The following IQCE variants were observed in gnomAD, a reference collection of about 807,000 sequenced individuals.
IQCE encodes the protein IQ motif containing E.
A neutral mutation model predicts 96.0 loss-of-function variants in IQCE; 115 were observed. That is an observed-to-expected ratio of 1.20 (90% CI 1.03 to 1.40). The LOEUF (loss-of-function observed/expected upper bound fraction) is 1.40. Among genes scored for constraint, IQCE ranks in the 40% most tolerant of loss-of-function variants. IQCE has a pLI of 0.00. For synonymous variants in IQCE, 412 were observed against 371.2 expected, an observed-to-expected ratio of 1.11 and a Z score of -1.26; for missense variants, 1,041 against 909.1, an observed-to-expected ratio of 1.15 and a Z score of -1.87.
At chr7:2,595,775 G>A (rs1265193160) in intron 16 of IQCE, among the ~76,000 whole-genome samples, 12 of 145,344 alleles carry the variant, frequency 8.3e-5, no homozygotes, top group South Asian at 2.2e-4. Context: ...CACCATGGCC[G>A]GTGCTGCACT....
Position 2,567,164 on chromosome 7 carries a change from G to C in IQCE, c.84+1G>C, listed in dbSNP as rs771552509. 6.2e-7 allele frequency: 1 copy of C among 1,613,296 alleles called. No homozygotes were observed. The highest frequency in any genetic ancestry group is 8.5e-7 in the Non-Finnish European group (1 of 1,179,528). On this transcript the variant is annotated splice_donor_variant, in intron 2 of 21. Coordinates refer to ENST00000402050, the MANE Select transcript of IQCE (RefSeq NM_152558.5). LOFTEE classifies it high-confidence loss of function. The stretch of plus-strand genomic sequence containing the variant: ...CACCTTTGACTCTGATGTGGAGACG[G>C]TGAGTGCCGCTGGGTGTCAGCCGTG...
At chr7:2,608,851 G>T (rs573895174) in intron 21 of IQCE, among the ~76,000 whole-genome samples, 60 of 149,176 alleles carry the variant, frequency 4.0e-4, no homozygotes, top group Non-Finnish European at 8.7e-4. Flanking sequence ...TGAGCTGATT[G>T]GTTGTTTTTG....
rs765060011 is a variant in IQCE at position 2,593,126 on chromosome 7, G to A, written c.1349G>A (p.Arg450Lys). 27 of 1,609,444 alleles carry A rather than the reference G, an allele frequency of 1.7e-5. No homozygotes were observed. Among genetic ancestry groups the A allele is most frequent in the Non-Finnish European group, 2.2e-5 (26 of 1,176,688 alleles). Residue 450 changes from arginine (R) to lysine (K), a missense_variant and splice_region_variant, in exon 15 of 22, where the codon AGA becomes AAA. Arg to Lys is a conservative substitution (Grantham distance 26, BLOSUM62 2). Transcript: ENST00000402050. ...AGGAGAGAGCGAGAGGAGGTTTTGA[G>A]GTATGTGACCCGGGTCAGGGCTGGA... Reference protein sequence around the residue: ...EERREREEVLREEIQTLTSKL... With the variant: ...EERREREEVLKEEIQTLTSKL...
At chr7:2,577,541 G>T (rs1469039998) in intron 6 of IQCE, among the ~76,000 whole-genome samples, 10 of 141,290 alleles carry the variant, frequency 7.1e-5, no homozygotes, top group African/African-American at 8.1e-5. Flanking sequence ...GCCCGCATTG[G>T]CGTGTGCGTG....
At position 2,587,790 on chromosome 7, in the gene IQCE, A is replaced by G. The variant is rs1164291643; in HGVS notation, c.989-32A>G. 10 of 1,612,056 alleles carry G rather than the reference A, an allele frequency of 6.2e-6. No individual in the cohort carries two copies. The South Asian group carries it at 1.1e-4, about 18-fold the overall frequency. Reference sequence around the variant, plus strand: ...GGCCCTGCTGGCAGTGCCCACCAGGATGCCGTTTTGAAACCGCATTGCTTC... The same window carrying G: ...GGCCCTGCTGGCAGTGCCCACCAGGGTGCCGTTTTGAAACCGCATTGCTTC... On this transcript the variant is annotated intron_variant, in intron 12 of 21. Transcript: ENST00000402050.
intron 12 of IQCE, among the ~76,000 whole-genome samples, chr7:2,586,911 G>A (rs372740550): frequency 5.3e-5 from 8 of 152,198 alleles, no homozygotes; most frequent in East Asian, 1.9e-4. Context: ...TGCTGTGGGA[G>A]TGTTAGGCAG....
chr7:2,604,856 C>T (rs780632932), intron 18 of IQCE, 25 bp from the exon 19 acceptor site: 1 of 1,592,740 alleles, frequency 6.3e-7, no homozygotes. Flanking sequence ...ACCCACTTTT[C>T]TCTCCCTGCT....
Position 2,567,122 on chromosome 7 carries a change from G to A in IQCE, c.43G>A (p.Asp15Asn). ...TTTGCCTCTCTTCCTCCAGGGAGAT[G>A]ACAGTCTGTCTGCAGTCACCTTTGA... ...TGEPALDTGD[D>N]SLSAVTFDSD... Residue 15 changes from aspartate (D) to asparagine (N), a missense_variant, in exon 2 of 22, where the codon GAC becomes AAC. By Grantham distance (23) the Asp-to-Asn change is conservative (BLOSUM62 1). Transcript: ENST00000402050. 6.2e-7 allele frequency: 1 copy of A among 1,613,820 alleles called. No individual in the cohort carries two copies.
Position 2,601,425 on chromosome 7 carries a change from CTTTT to C in IQCE, c.1609-8_1609-5del. 8.1e-7 allele frequency: 1 copy of C among 1,229,390 alleles called. No individual in the cohort carries two copies. 76.2% of individuals were successfully genotyped at this position (1,229,390 alleles called of 1,614,324 possible). A position where few individuals can be genotyped will look rare whatever the true frequency, so the allele number is the denominator to read the frequency against. Reference sequence around the variant, plus strand: ...GTGTTAATTCATGTATTTTTTCTTTCTTTTTTTTTTTCCAGAAAAAAAAGGCTGT... The same window carrying C: ...GTGTTAATTCATGTATTTTTTCTTTCTTTTTTTCCAGAAAAAAAAGGCTGT... On this transcript the variant is annotated splice_polypyrimidine_tract_variant and intron_variant, in intron 17 of 21. Coordinates refer to ENST00000402050, the MANE Select transcript of IQCE (RefSeq NM_152558.5).
In IQCE at chr7:2,559,098, C is replaced by T; in HGVS notation, c.-84C>T. On this transcript the variant is annotated 5_prime_UTR_variant, in exon 1 of 22. Coordinates refer to ENST00000402050, the MANE Select transcript of IQCE (RefSeq NM_152558.5). ...GGCGCCAGGGAAGGCCCCGAGGCTG[C>T]GGGCGGCCAGGGCTGCCCGCGGATT... is the stretch of plus-strand genomic sequence containing the variant. 1.3e-6 allele frequency: 1 copy of T among 796,882 alleles called. No homozygotes were observed. The highest frequency in any genetic ancestry group is 1.6e-6 in the Non-Finnish European group (1 of 608,892). 49.4% of individuals were successfully genotyped at this position (796,882 alleles called of 1,614,324 possible). A position where few individuals can be genotyped will look rare whatever the true frequency, so the allele number is the denominator to read the frequency against.
At position 2,571,602 on chromosome 7, in the gene IQCE, C is replaced by G. The variant is rs150627300; in HGVS notation, c.207C>G (p.Gly69=). Residue 69 remains glycine (G), a synonymous_variant, in exon 4 of 22, where the codon GGC becomes GGG. Transcript: ENST00000402050. ...GGACGGCAGGGAGCATGCCTCTGGGCGGCCGAGCGTCCCTGACCCCGCAGA... is the reference window on the plus strand; with the variant it reads ...GGACGGCAGGGAGCATGCCTCTGGGGGGCCGAGCGTCCCTGACCCCGCAGA... The part of the protein sequence containing the change: ...SLRTAGSMPL[G]GRASLTPQKL... 2 of 1,602,360 alleles carry G rather than the reference C, an allele frequency of 1.2e-6. No individual in the cohort carries two copies. Among genetic ancestry groups the G allele is most frequent in the East Asian group, 4.5e-5 (2 of 44,868 alleles).
At chr7:2,572,582 C>T in intron 5 of IQCE, 1 of 625,998 alleles carries the variant, frequency 1.6e-6, no homozygotes, top group South Asian at 1.7e-5. Flanking sequence ...CCTCCCTAAA[C>T]ATAGAGGCGT....
At position 2,572,230 on chromosome 7, in the gene IQCE, G is replaced by A. The variant is rs931136530; in HGVS notation, c.298G>A (p.Glu100Lys). ...TQALNSPLTW[E>K]HAWTGVPGGT... is the part of the protein sequence containing the mutation. ...GGCCCTGAACTCACCCCTCACCTGGGAGCATGCGTGGACTGGCGTCCCCGG... is the reference window on the plus strand; with the variant it reads ...GGCCCTGAACTCACCCCTCACCTGGAAGCATGCGTGGACTGGCGTCCCCGG... The change falls in exon 5 of 22, where the codon GAG (glutamate) becomes AAG (lysine). Residue 100 changes from glutamate to lysine, a missense_variant. Glu to Lys is a moderately conservative substitution (Grantham distance 56, BLOSUM62 1). Coordinates refer to ENST00000402050, the MANE Select transcript of IQCE (RefSeq NM_152558.5). 32 of 1,614,048 alleles carry A rather than the reference G, an allele frequency of 2.0e-5. No homozygotes were observed. Among genetic ancestry groups the A allele is most frequent in the Non-Finnish European group, 2.3e-5 (27 of 1,180,024 alleles).
intron 4 of IQCE, 91 bp from the exon 5 acceptor site, chr7:2,572,101 T>C: frequency 2.1e-6 from 3 of 1,398,248 alleles, no homozygotes; most frequent in Non-Finnish European, 2.9e-6. Flanking sequence ...GTGATTCAGC[T>C]TTCTTCAATC....
intron 19 of IQCE, among the ~76,000 whole-genome samples, chr7:2,605,303 TGAG>T (rs1253544885): frequency 6.6e-6 from 1 of 152,190 alleles, no homozygotes; most frequent in African/African-American, 2.4e-5. Flanking sequence ...TCCTCTGTAT[TGAG>T]GACCAGGTTT....
intron 17 of IQCE, 72 bp downstream of exon 17, chr7:2,598,704 C>A: frequency 7.4e-7 from 1 of 1,353,368 alleles, no homozygotes; most frequent in Non-Finnish European, 9.7e-7. Context: ...ACTCACTCTC[C>A]AGGAATGACT....
intron 14 of IQCE, among the ~76,000 whole-genome samples, chr7:2,592,532 G>A (rs990363952): frequency 1.3e-5 from 2 of 152,206 alleles, no homozygotes; most frequent in Non-Finnish European, 2.9e-5. Flanking sequence ...CAGTCCATCT[G>A]AGACTCGGAC....
rs761777757 is a variant in IQCE at position 2,582,660 on chromosome 7, G to A, written c.701+10G>A. ...AGGACGGCACCATCAGGTGGGCGCA[G>A]GGCTGCACCCTCTCCCCTGCCTTCC... On this transcript the variant is annotated intron_variant, in intron 9 of 21. Coordinates refer to ENST00000402050, the MANE Select transcript of IQCE (RefSeq NM_152558.5). The A allele has an allele frequency of 5.0e-6, 8 of 1,612,148 alleles. No homozygotes were observed. Among genetic ancestry groups the A allele is most frequent in the Non-Finnish European group, 2.5e-6 (3 of 1,178,558 alleles).
intron 2 of IQCE, among the ~76,000 whole-genome samples, chr7:2,567,883 C>T (rs921405083): frequency 1.2e-4 from 18 of 152,282 alleles, no homozygotes; most frequent in African/African-American, 3.9e-4. Flanking sequence ...CTCCATGTCA[C>T]AGAGGGCAGG....
Sources: allele counts gnomAD v4.1 joint callset (sites outside exome capture counted in the v4.1 genomes callset), GRCh38; gene constraint gnomAD v4.1.1; transcripts MANE v1.5; gene names NCBI Gene and HGNC (gene_info 2026-07-23, HGNC 2026-07-21).